The following CPEB3 variants were observed in gnomAD, a reference collection of about 807,000 sequenced individuals.
CPEB3 encodes the protein cytoplasmic polyadenylation element-binding protein 3.
CPEB3 carries 20 observed loss-of-function variants against 67.2 expected under a neutral mutation model. The ratio of observed to expected loss-of-function variants is 0.30; its 90% CI spans 0.21 to 0.43. The LOEUF (loss-of-function observed/expected upper bound fraction) is 0.43. Among genes scored for constraint, CPEB3 ranks in the 20% least tolerant of loss-of-function variants. CPEB3 has a pLI of 1.00. For missense variants in CPEB3, 746 were observed against 968.6 expected, an observed-to-expected ratio of 0.77 and a Z score of 3.05; for synonymous variants, 376 against 393.1, an observed-to-expected ratio of 0.96 and a Z score of 0.51.
At chr10:92,100,641 G>T (rs1375401029) in intron 7 of CPEB3, among the ~76,000 whole-genome samples, 1 of 152,052 alleles carries the variant, frequency 6.6e-6, no homozygotes, top group African/African-American at 2.4e-5. Context: ...GCCCAGGCTA[G>T]AGTGCAGTGG....
intron 9 of CPEB3, among the ~76,000 whole-genome samples, chr10:92,057,591 G>A (rs2134283757): frequency 6.6e-6 from 1 of 152,356 alleles, no homozygotes; most frequent in Middle Eastern, 3.4e-3. Context: ...GTGCCCCAGG[G>A]CCCTGAGCGA....
chr10:92,202,585 G>A (rs1211314577), intron 2 of CPEB3, among the ~76,000 whole-genome samples: 1 of 151,114 alleles, frequency 6.6e-6, no homozygotes, highest in African/African-American at 2.4e-5. Context: ...CAACATGGAT[G>A]AACCTTAAAA....
At chr10:92,232,501 G>A (rs1851318654) in intron 2 of CPEB3, among the ~76,000 whole-genome samples, 1 of 151,574 alleles carries the variant, frequency 6.6e-6, no homozygotes. Context: ...GCTCACACCT[G>A]TAATCCCAGC....
intron 4 of CPEB3, among the ~76,000 whole-genome samples, chr10:92,170,665 G>A (rs1296034844): frequency 6.6e-6 from 1 of 152,070 alleles, no homozygotes; most frequent in East Asian, 1.9e-4. Flanking sequence ...ATGAAAGGAA[G>A]GAAGGGAGGG....
At chr10:92,069,947 T>C (rs1272600842) in intron 9 of CPEB3, among the ~76,000 whole-genome samples, 1 of 152,174 alleles carries the variant, frequency 6.6e-6, no homozygotes, top group Non-Finnish European at 1.5e-5. Flanking sequence ...AATGCCCCAC[T>C]ACTACATGGA....
At chr10:92,175,478 T>C (rs1177271531) in intron 4 of CPEB3, among the ~76,000 whole-genome samples, 1 of 152,098 alleles carries the variant, frequency 6.6e-6, no homozygotes, top group Non-Finnish European at 1.5e-5. Context: ...CCGCATCATA[T>C]GATAGTTGTA....
intron 2 of CPEB3, among the ~76,000 whole-genome samples, chr10:92,210,257 C>T (rs1261558370): frequency 1.3e-5 from 2 of 152,102 alleles, no homozygotes; most frequent in Non-Finnish European, 2.9e-5. Flanking sequence ...ATGTGGATAA[C>T]AATAATGCCT....
Position 92,143,026 on chromosome 10 carries a change from T to C in CPEB3, c.1453+3A>G. 6.2e-7 allele frequency: 1 copy of C among 1,608,366 alleles called. No homozygotes were observed. The highest frequency in any genetic ancestry group is 8.5e-7 in the Non-Finnish European group (1 of 1,175,216). ...AGCAGTGGAAACATTTTAAGAGCAT[T>C]ACCTTTAGGAGGAAAATAAGACTTG... On this transcript the variant is annotated splice_donor_region_variant and intron_variant, in intron 6 of 9. Transcript: ENST00000265997.
chr10:92,112,024 C>T (rs1347377268), intron 6 of CPEB3, among the ~76,000 whole-genome samples: 3 of 152,000 alleles, frequency 2.0e-5, no homozygotes, highest in African/African-American at 7.2e-5. Context: ...ATAGACACAG[C>T]CAGTTTTTTT....
At chr10:92,058,527 C>T (rs1374848037) in intron 9 of CPEB3, among the ~76,000 whole-genome samples, 3 of 151,276 alleles carry the variant, frequency 2.0e-5, no homozygotes, top group Admixed American at 1.3e-4. Flanking sequence ...CTGGCCTGGG[C>T]GACAGAACAA....
At chr10:92,180,839 A>G in intron 4 of CPEB3, 124 bp downstream of exon 4, 1 of 674,288 alleles carries the variant, frequency 1.5e-6, no homozygotes, top group South Asian at 1.6e-5. Flanking sequence ...AACCACTAGT[A>G]CAGAACAATG....
intron 1 of CPEB3, among the ~76,000 whole-genome samples, chr10:92,246,151 C>T (rs1852053025): frequency 1.3e-5 from 2 of 151,736 alleles, no homozygotes; most frequent in Non-Finnish European, 2.9e-5. Context: ...CTGGCTAACA[C>T]GGTGAAACCC....
At chr10:92,094,317 T>C (rs1347754829) in intron 7 of CPEB3, among the ~76,000 whole-genome samples, 1 of 151,806 alleles carries the variant, frequency 6.6e-6, no homozygotes. Context: ...AAAAATGCAG[T>C]TCTGGCTGGG....
intron 1 of CPEB3, among the ~76,000 whole-genome samples, chr10:92,289,732 A>AATATATATATAT (rs71025390): frequency 1.6e-4 from 12 of 75,754 alleles, no homozygotes; most frequent in Non-Finnish European, 2.3e-4. Flanking sequence ...AAAAAAAAAA[A>AATATATATATAT]ATATATATAT....
chr10:92,070,416 T>C (rs1448362613), intron 9 of CPEB3, among the ~76,000 whole-genome samples: 1 of 152,198 alleles, frequency 6.6e-6, no homozygotes, highest in Non-Finnish European at 1.5e-5. Context: ...GAACTAATTG[T>C]AGGGACTTTT....
At chr10:92,134,136 T>C (rs1012596654) in intron 6 of CPEB3, among the ~76,000 whole-genome samples, 5 of 152,192 alleles carry the variant, frequency 3.3e-5, no homozygotes, top group Admixed American at 1.3e-4. Flanking sequence ...TCACCACTCC[T>C]ATTCAACATA....
intron 4 of CPEB3, among the ~76,000 whole-genome samples, chr10:92,176,546 T>C (rs1326109598): frequency 7.2e-5 from 11 of 152,252 alleles, no homozygotes; most frequent in Non-Finnish European, 2.9e-5. Context: ...AACTGAATGA[T>C]ACTATTCCTT....
chr10:92,196,789 A>G (rs886354283), intron 2 of CPEB3, among the ~76,000 whole-genome samples: 1 of 151,198 alleles, frequency 6.6e-6, no homozygotes, highest in Non-Finnish European at 1.5e-5. Flanking sequence ...AAAATTAGCC[A>G]GGCATTGTGG....
At chr10:92,230,185 C>A (rs1254426194) in intron 2 of CPEB3, among the ~76,000 whole-genome samples, 1 of 152,140 alleles carries the variant, frequency 6.6e-6, no homozygotes, top group African/African-American at 2.4e-5. Context: ...AAGTGTCAGG[C>A]ACTTCCAGGC....
Sources: allele counts gnomAD v4.1 joint callset (sites outside exome capture counted in the v4.1 genomes callset), GRCh38; gene constraint gnomAD v4.1.1; transcripts MANE v1.5; gene names NCBI Gene and HGNC (gene_info 2026-07-23, HGNC 2026-07-21).